Variants in CEP70 observed in about 807,000 individuals in gnomAD.
CEP70 encodes centrosomal protein 70, also known as centrosomal protein of 70 kDa.
Under a neutral mutation model 90.9 loss-of-function variants are expected in CEP70, and 70 were observed. The ratio of observed to expected loss-of-function variants is 0.77; its 90% CI spans 0.64 to 0.94. CEP70 has a LOEUF of 0.94. Among genes scored for constraint, CEP70 ranks in the 40% least tolerant of loss-of-function variants. The probability of loss-of-function intolerance (pLI) is 0.00; values close to 1 mark genes in which losing one functional copy is unlikely to be tolerated. For synonymous variants in CEP70, 220 were observed against 228.3 expected (o/e 0.96, Z 0.33); for missense variants, 648 against 669.0 (o/e 0.97, Z 0.35).
intron 7 of CEP70, among the ~76,000 whole-genome samples, chr3:138,534,229 C>T (rs552042356): frequency 4.6e-5 from 7 of 152,326 alleles, no homozygotes; most frequent in African/African-American, 1.2e-4. Flanking sequence ...ACCCATCCCC[C>T]TCTTCAGAAC....
chr3:138,561,853 T>C (rs1330691275), intron 6 of CEP70, among the ~76,000 whole-genome samples: 1 of 151,566 alleles, frequency 6.6e-6, no homozygotes, highest in African/African-American at 2.4e-5. Flanking sequence ...TGAAACCCCG[T>C]CTGTACTAAA....
At chr3:138,518,373 C>T (rs142268957) in intron 11 of CEP70, among the ~76,000 whole-genome samples, 1,565 of 152,320 alleles carry the variant, frequency 0.01, 27 homozygotes, top group African/African-American at 0.037. Context: ...TGAGAACTGG[C>T]AGACTGCCTC....
At chr3:138,513,531 C>T (rs189637504) in intron 11 of CEP70, among the ~76,000 whole-genome samples, 1 of 152,202 alleles carries the variant, frequency 6.6e-6, no homozygotes, top group South Asian at 2.1e-4. Context: ...TGATTCCCCC[C>T]ATCTGGGTGT....
intron 10 of CEP70, 38 bp downstream of exon 10, chr3:138,529,161 T>C (rs566474959): frequency 1.5e-6 from 2 of 1,294,532 alleles, no homozygotes; most frequent in Admixed American, 4.0e-5. Flanking sequence ...TGAGACCCTG[T>C]CTCAGGAAAA....
At chr3:138,549,098 G>C (rs1414328099) in intron 6 of CEP70, among the ~76,000 whole-genome samples, 1 of 152,028 alleles carries the variant, frequency 6.6e-6, no homozygotes, top group Non-Finnish European at 1.5e-5. Flanking sequence ...TTGTCTCACA[G>C]GGGTCCTTTG....
At chr3:138,583,667 T>C (rs2041973452) in intron 2 of CEP70, among the ~76,000 whole-genome samples, 1 of 150,454 alleles carries the variant, frequency 6.6e-6, no homozygotes, top group Admixed American at 6.6e-5. Flanking sequence ...TTGGAAACTA[T>C]TCAAACATAT....
At chr3:138,556,104 T>A (rs922797617) in intron 6 of CEP70, among the ~76,000 whole-genome samples, 6 of 152,164 alleles carry the variant, frequency 3.9e-5, no homozygotes, top group Non-Finnish European at 1.5e-5. Flanking sequence ...AATGAATGAA[T>A]CAATGGCATT....
At chr3:138,555,353 A>G (rs984215862) in intron 6 of CEP70, among the ~76,000 whole-genome samples, 3 of 152,116 alleles carry the variant, frequency 2.0e-5, no homozygotes, top group Admixed American at 6.5e-5. Context: ...AAACCCTTCT[A>G]GACATTGGAT....
intron 16 of CEP70, 63 bp downstream of exon 16, chr3:138,500,047 C>T: frequency 9.2e-7 from 1 of 1,083,162 alleles, no homozygotes; most frequent in Non-Finnish European, 1.4e-6. Context: ...GCTGGGACTA[C>T]AGGCGTGTGC....
intron 11 of CEP70, among the ~76,000 whole-genome samples, chr3:138,510,331 G>C (rs928897281): frequency 1.3e-5 from 2 of 152,030 alleles, no homozygotes; most frequent in Non-Finnish European, 2.9e-5. Context: ...TACTCGGGAG[G>C]CTGAGGCAAA....
chr3:138,501,027 A>G, intron 13 of CEP70, 146 bp from the exon 14 acceptor site: 1 of 306,620 alleles, frequency 3.3e-6, no homozygotes, highest in Non-Finnish European at 5.6e-6. Context: ...TTAAAAAAAT[A>G]TATATGTAAC....
intron 6 of CEP70, among the ~76,000 whole-genome samples, chr3:138,553,358 T>C (rs1010705121): frequency 1.3e-5 from 2 of 152,012 alleles, no homozygotes; most frequent in Non-Finnish European, 2.9e-5. Flanking sequence ...CGGGTGCCTA[T>C]AGTCCCAGCT....
At chr3:138,530,684 C>G in intron 8 of CEP70, 1 of 985,394 alleles carries the variant, frequency 1.0e-6, no homozygotes, top group Non-Finnish European at 1.2e-6. Context: ...CCTACTTAGG[C>G]CTCCAAATCT....
In CEP70 at chr3:138,500,887, T is replaced by C. The variant is rs2034448916; in HGVS notation, c.1222-6A>G. 1 of 1,461,988 alleles carries C rather than the reference T, an allele frequency of 6.8e-7. No individual in the cohort carries two copies. The highest frequency in any genetic ancestry group is 1.5e-5 in the South Asian group (1 of 65,390). 90.6% of individuals were successfully genotyped at this position (1,461,988 alleles called of 1,614,324 possible). ...TTCAAGGACTTATACAAATCCTTTA[T>C]AACAAAAGAAACTATATGGTATTAT... On this transcript the variant is annotated splice_region_variant and splice_polypyrimidine_tract_variant and intron_variant, in intron 13 of 17. Coordinates refer to ENST00000264982, the MANE Select transcript of CEP70 (RefSeq NM_024491.4).
intron 2 of CEP70, among the ~76,000 whole-genome samples, chr3:138,582,400 AG>A (rs2041909516): frequency 1.3e-5 from 2 of 151,892 alleles, no homozygotes; most frequent in African/African-American, 4.8e-5. Context: ...TGAACCTGGG[AG>A]GTGGAGGCTG....
At chr3:138,537,546 T>C (rs918672723) in intron 6 of CEP70, among the ~76,000 whole-genome samples, 199 bp from the exon 7 acceptor site, 5 of 152,062 alleles carry the variant, frequency 3.3e-5, no homozygotes, top group African/African-American at 1.2e-4. Flanking sequence ...ATAAGTCAAA[T>C]AGCTATAAAA....
chr3:138,526,354 G>A (rs113148214), intron 10 of CEP70, among the ~76,000 whole-genome samples: 67 of 129,362 alleles, frequency 5.2e-4, no homozygotes, highest in African/African-American at 2.1e-3. Flanking sequence ...GGTAAAGACA[G>A]GGTTTCACCA....
At chr3:138,546,324 C>T (rs2039197755) in intron 6 of CEP70, among the ~76,000 whole-genome samples, 1 of 152,160 alleles carries the variant, frequency 6.6e-6, no homozygotes, top group Non-Finnish European at 1.5e-5. Flanking sequence ...AGTATGTACC[C>T]TAAGATTTAT....
At chr3:138,537,562 AAACTACAGTTC>A (rs1229581794) in intron 6 of CEP70, among the ~76,000 whole-genome samples, 1 of 152,168 alleles carries the variant, frequency 6.6e-6, no homozygotes, top group African/African-American at 2.4e-5. Context: ...TAAAATGGGG[AAACTACAGTTC>A]ATAATTGCGT....
Sources: gnomAD v4.1 joint callset for allele counts (sites outside exome capture counted in the v4.1 genomes callset) on GRCh38, gnomAD v4.1.1 for gene constraint, MANE v1.5 for transcripts, NCBI Gene and HGNC (gene_info 2026-07-23, HGNC 2026-07-21) for gene names.